Variants in NCAPD3 observed in about 807,000 individuals in gnomAD.
NCAPD3 encodes condensin-2 complex subunit D3.
NCAPD3 carries 105 observed loss-of-function variants against 182.9 expected under a neutral mutation model. The ratio of observed to expected loss-of-function variants is 0.57; its 90% CI spans 0.49 to 0.68. The LOEUF (loss-of-function observed/expected upper bound fraction) is 0.68, where lower values mean the gene tolerates loss of function less well. Among genes scored for constraint, NCAPD3 ranks in the 30% least tolerant of loss-of-function variants. NCAPD3 has a pLI of 0.00. For missense variants in NCAPD3, 1,944 were observed against 1,837.0 expected (o/e 1.06, Z -1.07); for synonymous variants, 815 against 679.9 (o/e 1.20, Z -3.09).
chr11:134,202,338 T>C (rs1296791968), intron 13 of NCAPD3, among the ~76,000 whole-genome samples: 1 of 152,182 alleles, frequency 6.6e-6, no homozygotes, highest in Non-Finnish European at 1.5e-5. Context: ...CATGCAGCTA[T>C]TTAGTAACTA....
At chr11:134,211,103 T>C (rs76630017) in intron 3 of NCAPD3, among the ~76,000 whole-genome samples, 1,941 of 152,226 alleles carry the variant, frequency 0.013, 36 homozygotes, top group African/African-American at 0.043. Context: ...TACATTTGAG[T>C]TGTGGCCAGC....
chr11:134,164,138 C>T (rs1221550841), intron 27 of NCAPD3, among the ~76,000 whole-genome samples: 1 of 152,080 alleles, frequency 6.6e-6, no homozygotes, highest in East Asian at 1.9e-4. Context: ...GCAATCCAGG[C>T]TAGGAGGAAA....
intron 15 of NCAPD3, 34 bp downstream of exon 15, chr11:134,193,982 C>T: frequency 6.3e-7 from 1 of 1,576,792 alleles, no homozygotes; most frequent in African/African-American, 1.4e-5. Flanking sequence ...ATGTAAAATA[C>T]CATGCATTAC....
At chr11:134,157,126 A>T (rs1327098433) in intron 31 of NCAPD3, 31 bp from the exon 32 acceptor site, 1 of 1,557,494 alleles carries the variant, frequency 6.4e-7, no homozygotes, top group Non-Finnish European at 8.8e-7. Context: ...CTATCCAGAA[A>T]TACCCCCAAA....
chr11:134,153,302 C>A lies in NCAPD3; in HGVS notation c.4314G>T (p.Pro1438=), dbSNP rs372586751. The change falls in exon 33 of 35, where the codon CCG becomes CCT. Residue 1438 remains proline, a synonymous_variant. Coordinates refer to ENST00000534548, the MANE Select transcript of NCAPD3 (RefSeq NM_015261.3). The part of the protein sequence containing the change: ...GVSYIGTPRT[P]SSAKEKIEGR... ...CCAAGAACTTGCCTTTGGCTGACGACGGAGTCCGTGGTGTCCCGATGTAAC... is the reference window on the plus strand; with the variant it reads ...CCAAGAACTTGCCTTTGGCTGACGAAGGAGTCCGTGGTGTCCCGATGTAAC... 13 of 1,614,208 alleles carry A rather than the reference C, an allele frequency of 8.1e-6. No individual in the cohort carries two copies. In the East Asian group the frequency reaches 2.7e-4, roughly 33 times the overall value.
intron 31 of NCAPD3, among the ~76,000 whole-genome samples, chr11:134,157,367 C>T (rs1203981350): frequency 6.6e-6 from 1 of 152,154 alleles, no homozygotes; most frequent in African/African-American, 2.4e-5. Context: ...TTTAAATATC[C>T]ATGGCCTTTG....
At chr11:134,162,053 G>A (rs538715764) in intron 27 of NCAPD3, among the ~76,000 whole-genome samples, 162 bp from the exon 28 acceptor site, 1 of 152,260 alleles carries the variant, frequency 6.6e-6, no homozygotes, top group South Asian at 2.1e-4. Context: ...TTTTCTCTGG[G>A]AGACTTTGTA....
At chr11:134,170,409 G>A (rs1162923956) in intron 24 of NCAPD3, among the ~76,000 whole-genome samples, 2 of 152,058 alleles carry the variant, frequency 1.3e-5, no homozygotes, top group Admixed American at 6.5e-5. Flanking sequence ...TCTAAACAAG[G>A]GTTACTTTGG....
At chr11:134,197,698 C>T (rs932962700) in intron 13 of NCAPD3, among the ~76,000 whole-genome samples, 1 of 152,202 alleles carries the variant, frequency 6.6e-6, no homozygotes, top group African/African-American at 2.4e-5. Context: ...TACAACCATG[C>T]TTGGGATTTA....
intron 1 of NCAPD3, among the ~76,000 whole-genome samples, chr11:134,222,578 AAC>A (rs1218153940): frequency 3.9e-5 from 6 of 152,240 alleles, no homozygotes; most frequent in East Asian, 1.9e-4. Context: ...CCACATAAAA[AAC>A]AGTCAATAGA....
chr11:134,221,864 C>A (rs537346949), intron 1 of NCAPD3, among the ~76,000 whole-genome samples: 1 of 152,284 alleles, frequency 6.6e-6, no homozygotes, highest in African/African-American at 2.4e-5. Flanking sequence ...GGTCTCTGTA[C>A]CCTAAGTGGC....
chr11:134,170,561 A>G (rs1408381412), intron 24 of NCAPD3, among the ~76,000 whole-genome samples: 2 of 152,250 alleles, frequency 1.3e-5, no homozygotes, highest in East Asian at 3.8e-4. Flanking sequence ...AGTCACATAT[A>G]CGAAAATGTA....
intron 29 of NCAPD3, 90 bp from the exon 30 acceptor site, chr11:134,158,585 A>G (rs2120534096): frequency 7.2e-7 from 1 of 1,388,800 alleles, no homozygotes; most frequent in East Asian, 2.3e-5. Context: ...TTGGGGGTCC[A>G]TATGAGATTT....
chr11:134,171,890 G>A (rs1270522469), intron 24 of NCAPD3, among the ~76,000 whole-genome samples: 2 of 152,086 alleles, frequency 1.3e-5, no homozygotes, highest in East Asian at 1.9e-4. Context: ...AGAGGATGAG[G>A]AGCACATTTC....
At position 134,202,909 on chromosome 11, in the gene NCAPD3, TA is replaced by T. The variant is rs34989286; in HGVS notation, c.1526-5del. 2.1e-4 allele frequency: 325 copies of T among 1,517,596 alleles called. No homozygotes were observed. The highest frequency in any genetic ancestry group is 4.3e-4 in the Admixed American group (22 of 51,332). The allele number at this position is 1,517,596 out of a possible 1,614,324, so 94.0% of individuals were successfully genotyped here. A position where few individuals can be genotyped will look rare whatever the true frequency, so the allele number is the denominator to read the frequency against. On this transcript the variant is annotated splice_region_variant and splice_polypyrimidine_tract_variant and intron_variant, in intron 12 of 34. Coordinates refer to ENST00000534548, the MANE Select transcript of NCAPD3 (RefSeq NM_015261.3). ...GTCTGCCTTTGGTAGGAAAAAGCTT[TA>T]AAAAAAAAATTACAGTCATTAAGCT...
chr11:134,182,437 T>A lies in NCAPD3; in HGVS notation c.2452-1253A>T, dbSNP rs142814107. 3.8e-3 allele frequency among the ~76,000 whole-genome samples: 572 copies of A among 152,340 alleles called. 6 individuals are homozygous for A. Among genetic ancestry groups the A allele is most frequent in the African/African-American group, 0.013 (542 of 41,558 alleles). On this transcript the variant is annotated intron_variant, in intron 19 of 34. Transcript: ENST00000534548. ...TTTTATCTGAAAGTCCTTCATAAAT[T>A]TGAATTTAGCTAGGCAGCCTACCGT...
rs769543926 is a variant in NCAPD3 at position 134,168,599 on chromosome 11, C to G, written c.3243G>C (p.Glu1081Asp). ...KYNKFPQSER[E>D]KRLFSLKGKS... ...TTCCCTTCAATGAAAACAGCCGCTTCTCTCTGTGGCAGAACGGGACAAGTT... is the reference window on the plus strand; with the variant it reads ...TTCCCTTCAATGAAAACAGCCGCTTGTCTCTGTGGCAGAACGGGACAAGTT... Residue 1081 changes from glutamate to aspartate, a missense_variant, in exon 26 of 35, where the codon GAG (glutamate) becomes GAC (aspartate). Glu to Asp is a conservative substitution (Grantham distance 45). Transcript: ENST00000534548. The G allele has an allele frequency of 6.8e-6, 11 of 1,614,108 alleles. No individual in the cohort carries two copies. The Admixed American group carries it at 1.8e-4, about 27-fold the overall frequency.
chr11:134,223,989 G>T (rs1248370972), upstream of NCAPD3: 4 of 1,576,222 alleles, frequency 2.5e-6, no homozygotes, highest in Non-Finnish European at 3.5e-6. Flanking sequence ...CCGCGCGCGC[G>T]CCGAGTCGTT....
intron 27 of NCAPD3, among the ~76,000 whole-genome samples, chr11:134,166,963 C>T (rs1025053000): frequency 1.7e-5 from 2 of 116,282 alleles, no homozygotes; most frequent in African/African-American, 7.3e-5. Flanking sequence ...GTGAGATGAG[C>T]TTAGGGGAGC....
Sources: gnomAD v4.1 joint callset for allele counts (sites outside exome capture counted in the v4.1 genomes callset) on GRCh38, gnomAD v4.1.1 for gene constraint, MANE v1.5 for transcripts, NCBI Gene and HGNC (gene_info 2026-07-23, HGNC 2026-07-21) for gene names.